The following EGFLAM variants were observed in gnomAD, a reference collection of about 807,000 sequenced individuals.
The protein encoded by EGFLAM is EGF like, fibronectin type III and laminin G domains, also known as pikachurin.
Under a neutral mutation model 113.1 loss-of-function variants are expected in EGFLAM, and 79 were observed. The ratio of observed to expected loss-of-function variants is 0.70; its 90% confidence interval spans 0.58 to 0.84. EGFLAM has a LOEUF of 0.84. Ranked by LOEUF, EGFLAM falls within the 40% of genes least tolerant of loss-of-function variation. The pLI is 0.00. For missense variants in EGFLAM, 1,265 were observed against 1,291.6 expected (o/e 0.98, Z 0.32); for synonymous variants, 504 against 487.6 (o/e 1.03, Z -0.44).
At chr5:38,280,981 A>T (rs1301604878) in intron 1 of EGFLAM, among the ~76,000 whole-genome samples, 1 of 152,190 alleles carries the variant, frequency 6.6e-6, no homozygotes, top group African/African-American at 2.4e-5. Flanking sequence ...ATCTTTGAGG[A>T]TGAGCTACCC....
chr5:38,293,987 C>T (rs886448747), intron 1 of EGFLAM, among the ~76,000 whole-genome samples: 4 of 152,200 alleles, frequency 2.6e-5, no homozygotes, highest in Admixed American at 6.5e-5. Flanking sequence ...TTTAAAATTA[C>T]TCTACTAACC....
At chr5:38,430,685 T>G (rs1268005620) in intron 14 of EGFLAM, among the ~76,000 whole-genome samples, 1 of 152,174 alleles carries the variant, frequency 6.6e-6, no homozygotes, top group Non-Finnish European at 1.5e-5. Flanking sequence ...AGGCATTGGC[T>G]TGCATGATTA....
chr5:38,346,454 G>C (rs1739474063), intron 3 of EGFLAM: 1 of 152,114 alleles, frequency 6.6e-6, no homozygotes, highest in South Asian at 2.1e-4. Flanking sequence ...CAGGGCTTAG[G>C]TTTTCTCCTC....
chr5:38,352,472 C>A, intron 5 of EGFLAM, 141 bp downstream of exon 5: 2 of 1,104,968 alleles, frequency 1.8e-6, no homozygotes, highest in South Asian at 1.5e-5. Flanking sequence ...CATGGTGAAA[C>A]CCCGTCTCTA....
At chr5:38,396,982 T>C (rs571460728) in intron 6 of EGFLAM, among the ~76,000 whole-genome samples, 49 of 152,278 alleles carry the variant, frequency 3.2e-4, no homozygotes, top group African/African-American at 1.1e-3. Context: ...GACTGGCTTA[T>C]GTACTTCAAA....
intron 1 of EGFLAM, among the ~76,000 whole-genome samples, chr5:38,315,028 C>T (rs1284256657): frequency 6.6e-6 from 1 of 152,178 alleles, no homozygotes; most frequent in Non-Finnish European, 1.5e-5. Flanking sequence ...GCTATCCTGA[C>T]TAATAGCAGG....
At chr5:38,326,505 G>GT (rs201518910) in intron 1 of EGFLAM, among the ~76,000 whole-genome samples, 14,648 of 147,328 alleles carry the variant, frequency 0.099, 873 homozygotes, top group Admixed American at 0.13. Context: ...GTTGATAAGG[G>GT]TTTTTTTTTT....
chr5:38,371,259 T>C (rs1408247454), intron 6 of EGFLAM, among the ~76,000 whole-genome samples: 1 of 152,204 alleles, frequency 6.6e-6, no homozygotes, highest in African/African-American at 2.4e-5. Flanking sequence ...TTTTCAGTAT[T>C]GCCAATACAT....
intron 5 of EGFLAM, among the ~76,000 whole-genome samples, chr5:38,357,025 C>G (rs1470727181): frequency 6.6e-6 from 1 of 152,172 alleles, no homozygotes; most frequent in African/African-American, 2.4e-5. Flanking sequence ...GGTCTCTCAC[C>G]CCTTTCACCA....
chr5:38,339,689 A>G (rs1050848814), intron 3 of EGFLAM, among the ~76,000 whole-genome samples: 1 of 152,188 alleles, frequency 6.6e-6, no homozygotes, highest in African/African-American at 2.4e-5. Flanking sequence ...ACTTTTTTCA[A>G]GTCATACATT....
At chr5:38,431,886 G>A (rs1227982278) in intron 15 of EGFLAM, among the ~76,000 whole-genome samples, 2 of 152,198 alleles carry the variant, frequency 1.3e-5, no homozygotes, top group African/African-American at 4.8e-5. Flanking sequence ...CTGATGCCAG[G>A]TCAGCACTAA....
chr5:38,269,806 C>G (rs1483477548), intron 1 of EGFLAM, among the ~76,000 whole-genome samples: 2 of 152,160 alleles, frequency 1.3e-5, no homozygotes, highest in African/African-American at 4.8e-5. Context: ...CTGCACTTTT[C>G]AAAGCACTTC....
At chr5:38,290,005 G>A (rs891536299) in intron 1 of EGFLAM, among the ~76,000 whole-genome samples, 1 of 152,194 alleles carries the variant, frequency 6.6e-6, no homozygotes, top group East Asian at 1.9e-4. Flanking sequence ...GCTCACAACA[G>A]TTATTCAGGT....
rs966281490 is a variant in EGFLAM, at chr5:38,395,170, C to T, written c.713-10956C>T. 3.3e-5 allele frequency among the ~76,000 whole-genome samples: 5 copies of T among 151,014 alleles called. No individual in the cohort carries two copies. In the South Asian group the frequency reaches 1.0e-3, roughly 32 times the overall value. On this transcript the variant is annotated intron_variant, in intron 6 of 21. Coordinates refer to ENST00000322350, the MANE Select transcript of EGFLAM (RefSeq NM_152403.4). ...GGTCAGGCTGGTCTTGAACTCCCAA[C>T]CTTAGGCAATCTGCCCGCCTTGGCC... is the stretch of plus-strand genomic sequence containing the variant.
intron 9 of EGFLAM, among the ~76,000 whole-genome samples, chr5:38,408,445 C>T (rs141402097): frequency 2.0e-5 from 3 of 152,258 alleles, no homozygotes; most frequent in East Asian, 1.9e-4. Context: ...TCCAATGATA[C>T]AAAAAGGTCT....
intron 6 of EGFLAM, chr5:38,399,926 G>C (rs1169334230): frequency 1.3e-5 from 2 of 152,170 alleles, no homozygotes; most frequent in African/African-American, 2.4e-5. Flanking sequence ...ACTTCTGTTT[G>C]CTTTTTCATC....
chr5:38,453,004 T>C (rs7735629), intron 19 of EGFLAM, among the ~76,000 whole-genome samples: 38,938 of 152,088 alleles, frequency 0.26, 7,792 homozygotes, highest in African/African-American at 0.56. Context: ...CATCCTCACA[T>C]GAGGTTAGAC....
At chr5:38,403,640 C>A in intron 6 of EGFLAM, 1 of 770,472 alleles carries the variant, frequency 1.3e-6, no homozygotes, top group Non-Finnish European at 2.0e-6. Flanking sequence ...TGGAGCAGGG[C>A]AGTGTGCTAT....
At chr5:38,428,367 T>C (rs1251878939) in intron 14 of EGFLAM, among the ~76,000 whole-genome samples, 1 of 152,256 alleles carries the variant, frequency 6.6e-6, no homozygotes, top group East Asian at 1.9e-4. Flanking sequence ...TTTTTGTCCT[T>C]GTGGCTGAAT....
Sources: allele counts gnomAD v4.1 joint callset (sites outside exome capture counted in the v4.1 genomes callset), GRCh38; gene constraint gnomAD v4.1.1; transcripts MANE v1.5; gene names NCBI Gene and HGNC (gene_info 2026-07-23, HGNC 2026-07-21).